Variants in ECT2L observed in about 807,000 individuals in gnomAD.
ECT2L encodes epithelial cell-transforming sequence 2 oncogene-like.
A neutral mutation model predicts 122.8 loss-of-function variants in ECT2L; 126 were observed. The observed-to-expected ratio is 1.03, with a 90% CI of 0.89 to 1.19. The LOEUF (loss-of-function observed/expected upper bound fraction) is 1.19. ECT2L is among the 50% of genes most tolerant of loss of function. The probability of loss-of-function intolerance (pLI) is 0.00; values close to 1 mark genes in which losing one functional copy is unlikely to be tolerated. For missense variants in ECT2L, 1,012 were observed against 1,064.1 expected (o/e 0.95, Z 0.68); for synonymous variants, 385 against 381.8 (o/e 1.01, Z -0.10).
chr6:138,869,767 A>G (rs1778182594), intron 13 of ECT2L, among the ~76,000 whole-genome samples: 1 of 152,296 alleles, frequency 6.6e-6, no homozygotes, highest in East Asian at 1.9e-4. Flanking sequence ...GAGCCCCAGC[A>G]TGTTTTCCCA....
chr6:138,864,118 C>T (rs1359144097), intron 11 of ECT2L, among the ~76,000 whole-genome samples: 2 of 147,978 alleles, frequency 1.4e-5, no homozygotes, highest in Non-Finnish European at 1.5e-5. Context: ...GTCAGGAGTT[C>T]GAGACCAGCC....
At chr6:138,879,129 TG>T (rs1197703285) in intron 14 of ECT2L, 1 of 216,692 alleles carries the variant, frequency 4.6e-6, no homozygotes, top group Non-Finnish European at 9.5e-6. Context: ...TCTGTTTCAT[TG>T]ATTGGCCATC....
intron 10 of ECT2L, among the ~76,000 whole-genome samples, chr6:138,859,692 GTTGT>G (rs1354967690): frequency 2.0e-5 from 3 of 151,880 alleles, no homozygotes; most frequent in South Asian, 2.1e-4. Context: ...TAAAAACTAG[GTTGT>G]TTGTTTTCTT....
At chr6:138,878,423 G>A (rs1384463192) in intron 14 of ECT2L, among the ~76,000 whole-genome samples, 2 of 151,894 alleles carry the variant, frequency 1.3e-5, no homozygotes, top group African/African-American at 4.8e-5. Context: ...AGCATGCCAC[G>A]AAGGGAGAAA....
rs1283111233 is a variant in ECT2L, at chr6:138,849,352, A to T, written c.987A>T (p.Ile329=). ...CCTTGGAAAGCCTTCTGTATCTTAT[A>T]GAAAAAGCTCTGGATGGGCAGAAGG... ...SVTLESLLYL[I]EKALDGQKAQ... The change falls in exon 9 of 22, where the codon ATA becomes ATT. Residue 329 remains isoleucine, a synonymous_variant. Coordinates refer to ENST00000541398, the MANE Select transcript of ECT2L (RefSeq NM_001077706.3). The T allele has an allele frequency of 6.2e-7, 1 of 1,614,116 alleles. No homozygotes were observed. The highest frequency in any genetic ancestry group is 8.5e-7 in the Non-Finnish European group (1 of 1,180,022).
At chr6:138,896,128 C>T (rs181670554) in intron 20 of ECT2L, among the ~76,000 whole-genome samples, 3 of 126,918 alleles carry the variant, frequency 2.4e-5, no homozygotes, top group Admixed American at 7.2e-5. Flanking sequence ...ATGGGGTCCT[C>T]CCATGCTGGC....
chr6:138,902,673 A>G lies in ECT2L; in HGVS notation c.*46A>G, dbSNP rs1186447478. On this transcript the variant is annotated 3_prime_UTR_variant, in exon 22 of 22. Transcript: ENST00000541398. ...GGGGTGCCAATTCTCCCCAGCAAAG[A>G]CAGACAACATGTATTTTCTGTTCCA... The G allele has an allele frequency of 2.5e-6, 4 of 1,607,460 alleles. No individual in the cohort carries two copies. Among genetic ancestry groups the G allele is most frequent in the Admixed American group, 1.7e-5 (1 of 59,172 alleles).
intron 4 of ECT2L, among the ~76,000 whole-genome samples, chr6:138,825,454 G>T (rs1264522845): frequency 6.6e-6 from 1 of 151,944 alleles, no homozygotes; most frequent in Non-Finnish European, 1.5e-5. Flanking sequence ...TGGTGGGGGG[G>T]CACCTGTAAT....
chr6:138,861,502 G>A (rs1390953682), intron 10 of ECT2L, among the ~76,000 whole-genome samples: 2 of 152,104 alleles, frequency 1.3e-5, no homozygotes, highest in African/African-American at 2.4e-5. Flanking sequence ...TTTTTTTCAT[G>A]TGTTTGACGG....
intron 10 of ECT2L, among the ~76,000 whole-genome samples, chr6:138,856,245 C>T (rs556473826): frequency 9.5e-5 from 14 of 147,022 alleles, no homozygotes; most frequent in Middle Eastern, 3.5e-3. Flanking sequence ...CGAGATGTCT[C>T]GTTCTGTCGC....
intron 14 of ECT2L, chr6:138,879,314 C>A: frequency 6.0e-6 from 1 of 166,894 alleles, no homozygotes; most frequent in South Asian, 1.4e-4. Flanking sequence ...GCTTTCTGTT[C>A]ACCATGCTGA....
In ECT2L at chr6:138,838,462, A is replaced by AT. The variant is rs1776922839; in HGVS notation, c.293dup (p.Leu98PhefsTer16). On this transcript the variant is annotated frameshift_variant, in exon 5 of 22. Transcript: ENST00000541398. LOFTEE classifies it high-confidence loss of function. The stretch of plus-strand genomic sequence containing the variant: ...ATCTTTTCCTTTTTGAGTCCGAAAG[A>AT]TTTGTGTGCCGCTGCCCAAGTCAGC... 1 of 1,613,798 alleles carries AT rather than the reference A, an allele frequency of 6.2e-7. No individual in the cohort carries two copies. Among genetic ancestry groups the AT allele is most frequent in the African/African-American group, 1.3e-5 (1 of 74,866 alleles).
chr6:138,902,173 C>G lies in ECT2L; in HGVS notation c.2588-327C>G, dbSNP rs17068025. ...GTCGTCTAGGTCTAGCTCTTAGCAT[C>G]TTTATTTATAATAACTATCAGTAAA... On this transcript the variant is annotated intron_variant, in intron 21 of 21. Coordinates refer to ENST00000541398, the MANE Select transcript of ECT2L (RefSeq NM_001077706.3). 9.0e-3 allele frequency among the ~76,000 whole-genome samples: 1,376 copies of G among 152,312 alleles called. 16 individuals are homozygous for G. Among genetic ancestry groups the G allele is most frequent in the African/African-American group, 0.031 (1,302 of 41,568 alleles).
Position 138,818,629 on chromosome 6 carries a change from A to T in ECT2L, c.179+4026A>T, listed in dbSNP as rs146177072. ...GGACGTTACTGAGAACCTTGGAGAT[A>T]GCTACAGGGACTGCTGCATGGGGTC... On this transcript the variant is annotated intron_variant, in intron 4 of 21. Coordinates refer to ENST00000541398, the MANE Select transcript of ECT2L (RefSeq NM_001077706.3). Among the ~76,000 whole-genome samples, 13 of 152,346 alleles carry T rather than the reference A, an allele frequency of 8.5e-5. No homozygotes were observed. The East Asian group carries it at 2.5e-3, about 29-fold the overall frequency.
chr6:138,848,846 G>T (rs1777324766), intron 8 of ECT2L, among the ~76,000 whole-genome samples: 1 of 152,152 alleles, frequency 6.6e-6, no homozygotes, highest in South Asian at 2.1e-4. Flanking sequence ...TAGAGACAGG[G>T]GTTTCCTCAT....
At chr6:138,891,847 G>A (rs1182700583) in intron 20 of ECT2L, among the ~76,000 whole-genome samples, 2 of 152,164 alleles carry the variant, frequency 1.3e-5, no homozygotes, top group Admixed American at 6.5e-5. Context: ...AGTAAGGTGG[G>A]TTTATGTTTT....
At chr6:138,815,262 T>C (rs1176008255) in intron 4 of ECT2L, among the ~76,000 whole-genome samples, 1 of 152,220 alleles carries the variant, frequency 6.6e-6, no homozygotes, top group East Asian at 1.9e-4. Flanking sequence ...TTAGATACTT[T>C]ACTAATTAGC....
At chr6:138,862,514 A>C in intron 10 of ECT2L, 113 bp from the exon 11 acceptor site, 4 of 1,016,434 alleles carry the variant, frequency 3.9e-6, no homozygotes. Context: ...CCCACCTCCA[A>C]CGTTGGGGAT....
intron 4 of ECT2L, among the ~76,000 whole-genome samples, chr6:138,818,854 C>A (rs1776160517): frequency 1.3e-5 from 2 of 151,896 alleles, no homozygotes; most frequent in South Asian, 4.2e-4. Context: ...GGATGAGGAA[C>A]CTGACAAGAT....
Sources: gnomAD v4.1 joint callset for allele counts (sites outside exome capture counted in the v4.1 genomes callset) on GRCh38, gnomAD v4.1.1 for gene constraint, MANE v1.5 for transcripts, NCBI Gene and HGNC (gene_info 2026-07-23, HGNC 2026-07-21) for gene names.